Variants in PLA2G2C observed in about 807,000 individuals in gnomAD.
The protein encoded by PLA2G2C is phospholipase A2 group IIC, also known as putative inactive group IIC secretory phospholipase A2.
In PLA2G2C, 15 loss-of-function variants were observed where a neutral mutation model predicts 14.3. The ratio of observed to expected loss-of-function variants is 1.05; its 90% CI spans 0.70 to 1.62. The LOEUF is 1.62. PLA2G2C is among the 40% of genes most tolerant of loss of function. The probability of loss-of-function intolerance (pLI) is 0.00; values close to 1 mark genes in which losing one functional copy is unlikely to be tolerated. For synonymous variants in PLA2G2C, 79 were observed against 67.7 expected, an observed-to-expected ratio of 1.17 and a Z score of -0.82; for missense variants, 162 against 173.2, an observed-to-expected ratio of 0.94 and a Z score of 0.36.
At chr1:20,177,553 C>T (rs1051763287) in intron 1 of PLA2G2C, 114 bp from the exon 2 acceptor site, 24 of 441,748 alleles carry the variant, frequency 5.4e-5, no homozygotes, top group Admixed American at 7.8e-5. Flanking sequence ...TTTCAAATCT[C>T]ATTCCCTTTG....
Position 20,172,873 on chromosome 1 carries a change from G to A in PLA2G2C, c.204C>T (p.Pro68=), listed in dbSNP as rs1482221579. 1.2e-6 allele frequency: 2 copies of A among 1,613,716 alleles called. No homozygotes were observed. The highest frequency in any genetic ancestry group is 1.3e-5 in the African/African-American group (1 of 74,872). The stretch of plus-strand genomic sequence containing the variant: ...AGCTGAACTCCTTCAGCTTCTCGTA[G>A]GGAGAGGGAGATGAGGGGCTGTGCC... ...TDRHSPSSPS[P]YEKLKEFSCQ... The change falls in exon 4 of 5, where the codon CCC becomes CCT. Residue 68 remains proline (P), a synonymous_variant. Coordinates refer to ENST00000679259, the MANE Select transcript of PLA2G2C (RefSeq NM_001367969.2).
chr1:20,169,135 C>T (rs539946682), intron 4 of PLA2G2C, among the ~76,000 whole-genome samples: 9 of 152,194 alleles, frequency 5.9e-5, no homozygotes, highest in Non-Finnish European at 1.3e-4. Flanking sequence ...AGGGGCAGCT[C>T]TTTGAATGGA....
At chr1:20,180,854 C>A (rs562743142) in intron 1 of PLA2G2C, among the ~76,000 whole-genome samples, 3 of 152,360 alleles carry the variant, frequency 2.0e-5, no homozygotes, top group South Asian at 2.1e-4. Flanking sequence ...GGTCCCTAGA[C>A]GCCACCATCT....
chr1:20,177,059 A>C (rs1347006333), intron 2 of PLA2G2C, among the ~76,000 whole-genome samples: 2 of 152,198 alleles, frequency 1.3e-5, no homozygotes, highest in Non-Finnish European at 2.9e-5. Context: ...TGAGGGGGGT[A>C]AAATAGTAGT....
At chr1:20,175,924 T>C (rs1395169669) in intron 2 of PLA2G2C, among the ~76,000 whole-genome samples, 3 of 151,988 alleles carry the variant, frequency 2.0e-5, no homozygotes, top group East Asian at 3.9e-4. Context: ...TTTTTTTTTT[T>C]TTGAGACGGA....
rs2018061957 is a variant in PLA2G2C at position 20,170,857 on chromosome 1, C to T, written c.283+1937G>A. On this transcript the variant is annotated intron_variant, in intron 4 of 4. Coordinates refer to ENST00000679259, the MANE Select transcript of PLA2G2C (RefSeq NM_001367969.2). ...TGGGAAGAAAGTACAGCCCAGGCCA[C>T]GTACTTTCGGGTCCAACTCCCAGCC... Among the ~76,000 whole-genome samples the T allele has an allele frequency of 4.2e-5, 6 of 141,604 alleles. 1 individual carries two copies. The highest frequency in any genetic ancestry group is 3.4e-4 in the Admixed American group (5 of 14,548). 92.9% of individuals were successfully genotyped at this position (141,604 alleles called of 152,430 possible).
chr1:20,182,953 G>A (rs905561678), intron 1 of PLA2G2C, among the ~76,000 whole-genome samples: 1 of 152,224 alleles, frequency 6.6e-6, no homozygotes, highest in Non-Finnish European at 1.5e-5. Context: ...CAGCTTGCTG[G>A]ATCGCTCAGT....
intron 4 of PLA2G2C, among the ~76,000 whole-genome samples, chr1:20,171,546 A>G (rs193205880): frequency 6.6e-5 from 10 of 152,154 alleles, no homozygotes; most frequent in Non-Finnish European, 1.5e-5. Context: ...CAGGGTTCTG[A>G]GCCCTGGAAC....
At chr1:20,164,264 C>A in intron 4 of PLA2G2C, 107 bp from the exon 5 acceptor site, 1 of 1,190,842 alleles carries the variant, frequency 8.4e-7, no homozygotes. Context: ...GGGTTAAGGA[C>A]AGAAAGGAAA....
intron 3 of PLA2G2C, among the ~76,000 whole-genome samples, chr1:20,173,811 A>C (rs2018132293): frequency 6.6e-6 from 1 of 152,226 alleles, no homozygotes; most frequent in South Asian, 2.1e-4. Flanking sequence ...CTCTCTCACC[A>C]TTCCCATCTG....
intron 4 of PLA2G2C, among the ~76,000 whole-genome samples, chr1:20,168,874 C>T (rs947590582): frequency 6.6e-6 from 1 of 152,190 alleles, no homozygotes; most frequent in Non-Finnish European, 1.5e-5. Flanking sequence ...TAACCACCTC[C>T]CAGGTGGCCT....
chr1:20,175,910 C>CTTT (rs1245322352), intron 2 of PLA2G2C, among the ~76,000 whole-genome samples: 1 of 139,900 alleles, frequency 7.1e-6, no homozygotes, highest in Non-Finnish European at 1.6e-5. Context: ...CCCTTTCCTT[C>CTTT]TTTTTTTTTT....
chr1:20,172,393 C>T (rs897357804), intron 4 of PLA2G2C, among the ~76,000 whole-genome samples: 2 of 152,190 alleles, frequency 1.3e-5, no homozygotes, highest in Non-Finnish European at 2.9e-5. Flanking sequence ...TAGTGCTTGG[C>T]ATGCAGTCGC....
At chr1:20,183,249 T>A (rs2018302595) in intron 1 of PLA2G2C, among the ~76,000 whole-genome samples, 1 of 152,140 alleles carries the variant, frequency 6.6e-6, no homozygotes, top group African/African-American at 2.4e-5. Flanking sequence ...CCAGCGAAGG[T>A]AAATCATTTA....
chr1:20,171,862 C>T (rs1375610245), intron 4 of PLA2G2C, among the ~76,000 whole-genome samples: 34 of 149,704 alleles, frequency 2.3e-4, no homozygotes, highest in Non-Finnish European at 4.0e-4. Context: ...CCCGGGTTCA[C>T]GCCATTCTCC....
intron 4 of PLA2G2C, 108 bp downstream of exon 4, chr1:20,172,686 G>T: frequency 1.0e-6 from 1 of 961,802 alleles, no homozygotes; most frequent in Non-Finnish European, 1.5e-6. Context: ...CTCCTTCCAA[G>T]CACTTGGAAG....
At position 20,171,918 on chromosome 1, in the gene PLA2G2C, C is replaced by T. The variant is rs888984140; in HGVS notation, c.283+876G>A. On this transcript the variant is annotated intron_variant, in intron 4 of 4. Coordinates refer to ENST00000679259, the MANE Select transcript of PLA2G2C (RefSeq NM_001367969.2). ...CTGGGACTACAGGCGCCCACCATCA[C>T]GCCCGGCTAATTTTTTTTGTATTTT... 4.6e-5 allele frequency among the ~76,000 whole-genome samples: 7 copies of T among 151,310 alleles called. 1 individual carries two copies. The highest frequency in any genetic ancestry group is 4.2e-4 in the South Asian group (2 of 4,750).
chr1:20,174,497 A>G lies in PLA2G2C; in HGVS notation c.179+510T>C, dbSNP rs544324717. ...CCACTTGGATTCCCTCTCCTAGAAT[A>G]TGGAATTAGGACTAGTGAGTCAGTT... On this transcript the variant is annotated intron_variant, in intron 3 of 4. Coordinates refer to ENST00000679259, the MANE Select transcript of PLA2G2C (RefSeq NM_001367969.2). Among the ~76,000 whole-genome samples, 10 of 152,280 alleles carry G rather than the reference A, an allele frequency of 6.6e-5. No individual in the cohort carries two copies. The Middle Eastern group carries it at 0.014, about 207-fold the overall frequency.
At chr1:20,172,223 C>T (rs1016401166) in intron 4 of PLA2G2C, among the ~76,000 whole-genome samples, 4 of 152,166 alleles carry the variant, frequency 2.6e-5, no homozygotes, top group Non-Finnish European at 5.9e-5. Context: ...CATACCCATA[C>T]CCTACCAGCC....
Sources: gnomAD v4.1 joint callset for allele counts (sites outside exome capture counted in the v4.1 genomes callset) on GRCh38, gnomAD v4.1.1 for gene constraint, MANE v1.5 for transcripts, NCBI Gene and HGNC (gene_info 2026-07-23, HGNC 2026-07-21) for gene names.